Variants in PPP1R10 observed in about 807,000 individuals in gnomAD.
PPP1R10 encodes the protein protein phosphatase 1 regulatory subunit 10.
Under a neutral mutation model 99.0 loss-of-function variants are expected in PPP1R10, and 15 were observed. That is an observed-to-expected ratio of 0.15 (90% CI 0.10 to 0.23). The LOEUF (loss-of-function observed/expected upper bound fraction) is 0.23, where lower values mean the gene tolerates loss of function less well. Among genes scored for constraint, PPP1R10 ranks in the 10% least tolerant of loss-of-function variants. The pLI is 1.00. For missense variants in PPP1R10, 947 were observed against 1,259.4 expected (o/e 0.75, Z 3.75); for synonymous variants, 430 against 449.5 (o/e 0.96, Z 0.55).
Position 30,606,415 on chromosome 6 carries a change from C to T in PPP1R10, c.634+53G>A. ...CACATCAAATGATTCCCCCATAAGGCTCTGGGTGTGCACATGCCCATGAAC... is the reference window on the plus strand; with the variant it reads ...CACATCAAATGATTCCCCCATAAGGTTCTGGGTGTGCACATGCCCATGAAC... On this transcript the variant is annotated intron_variant, in intron 8 of 19. Transcript: ENST00000376511. This position sits in a 1 kb window ranked among gnomAD's most constrained non-coding sequence, Gnocchi z 6.3. 1 of 1,601,834 alleles carries T rather than the reference C, an allele frequency of 6.2e-7. No individual in the cohort carries two copies.
At chr6:30,615,250 T>C (rs972548035) in intron 2 of PPP1R10, among the ~76,000 whole-genome samples, 3 of 129,848 alleles carry the variant, frequency 2.3e-5, no homozygotes, top group Admixed American at 1.5e-4. Context: ...AAAAAAAAAA[T>C]CAAAAACCAG....
chr6:30,601,893 TG>T, intron 19 of PPP1R10, 42 bp downstream of exon 19: 1 of 1,467,946 alleles, frequency 6.8e-7, no homozygotes, highest in Non-Finnish European at 9.0e-7. Context: ...AAAGCTTGTA[TG>T]GGACAACCAA....
rs182970708 is a variant in PPP1R10, at chr6:30,602,397, T to G, written c.2252A>C (p.His751Pro). 6.2e-7 allele frequency: 1 copy of G among 1,611,280 alleles called. No homozygotes were observed. The highest frequency in any genetic ancestry group is 1.3e-5 in the African/African-American group (1 of 74,440). Reference protein sequence around the residue: ...PGGGMVGGGGHRPHEGPGGGM... With the variant: ...PGGGMVGGGGPRPHEGPGGGM... ...CCCACCAGGGCCTTCGTGAGGACGA[T>G]GCCCACCACCTCCAACCATGCCCCC... Residue 751 changes from histidine to proline, a missense_variant, in exon 19 of 20, where the codon CAT (histidine) becomes CCT (proline). Physicochemically the swap from His to Pro is moderately conservative, Grantham distance 77. Coordinates refer to ENST00000376511, the MANE Select transcript of PPP1R10 (RefSeq NM_002714.4). This position sits in a 1 kb window ranked among gnomAD's most constrained non-coding sequence, Gnocchi z 6.7.
chr6:30,607,643 G>T lies in PPP1R10; in HGVS notation c.382+197C>A, dbSNP rs141553025. ...ATGGCACCTTATATTCAGCAACAGA[G>T]AAATGAACAACTTTGGAATTGAGAA... is the stretch of plus-strand genomic sequence containing the variant. On this transcript the variant is annotated intron_variant, in intron 6 of 19. Transcript: ENST00000376511. 9.0e-4 allele frequency among the ~76,000 whole-genome samples: 137 copies of T among 152,232 alleles called. 1 individual carries two copies. The highest frequency in any genetic ancestry group is 3.0e-3 in the African/African-American group (126 of 41,524).
Position 30,606,991 on chromosome 6 carries a change from A to T in PPP1R10, c.383-135T>A, listed in dbSNP as rs1804019834. ...AGTAACCCAAAGTTTTAAGAAGAAC[A>T]TGAGATATGCTTAAAAACCAAACCC... On this transcript the variant is annotated intron_variant, in intron 6 of 19. Transcript: ENST00000376511. The surrounding 1 kb of genome is among the most constrained non-coding windows in gnomAD (Gnocchi z 6.3). 1.3e-6 allele frequency: 1 copy of T among 768,286 alleles called. No homozygotes were observed. The highest frequency in any genetic ancestry group is 1.7e-5 in the South Asian group (1 of 57,416). 47.6% of individuals were successfully genotyped at this position (768,286 alleles called of 1,614,324 possible).
chr6:30,603,662 C>A lies in PPP1R10; in HGVS notation c.1577G>T (p.Cys526Phe). The stretch of plus-strand genomic sequence containing the variant: ...AACATACGGAGTCTCATCCATGGAA[C>A]ACTCCTGAAAGAAGAACAAAAAAAA... ...PPKLIPLDEE[C>F]SMDETPYVET... Residue 526 changes from cysteine to phenylalanine, a missense_variant, in exon 16 of 20, where the codon TGT becomes TTT. Transcript: ENST00000376511. The A allele has an allele frequency of 6.3e-7, 1 of 1,594,108 alleles. No homozygotes were observed. Among genetic ancestry groups the A allele is most frequent in the Non-Finnish European group, 8.5e-7 (1 of 1,172,368 alleles).
At chr6:30,616,317 C>A (rs1760534566) in intron 2 of PPP1R10, among the ~76,000 whole-genome samples, 161 bp downstream of exon 2, 1 of 152,182 alleles carries the variant, frequency 6.6e-6, no homozygotes, top group Non-Finnish European at 1.5e-5. Flanking sequence ...ACTGTTTAGA[C>A]CCACAGGCCC....
In PPP1R10 at chr6:30,601,266, G is replaced by A; in HGVS notation, c.*283C>T. ...GGGTAATACTGGAAAGGGGTTTGGGGTACAGGGCGAATCTTCTCAAAAAGT... is the reference window on the plus strand; with the variant it reads ...GGGTAATACTGGAAAGGGGTTTGGGATACAGGGCGAATCTTCTCAAAAAGT... On this transcript the variant is annotated 3_prime_UTR_variant, in exon 20 of 20. Transcript: ENST00000376511. The A allele has an allele frequency of 2.1e-6, 1 of 479,282 alleles. No individual in the cohort carries two copies. Among genetic ancestry groups the A allele is most frequent in the South Asian group, 3.3e-5 (1 of 30,284 alleles). The allele number at this position is 479,282 out of a possible 1,614,324, so 29.7% of individuals were successfully genotyped here.
In PPP1R10 at chr6:30,601,925, A is replaced by C; in HGVS notation, c.2713+11T>G. ...ACCAAAAGGCATATGGGGGACAGGGAGCATCCTCACCTCCTCCATGGCTGT... is the reference window on the plus strand; with the variant it reads ...ACCAAAAGGCATATGGGGGACAGGGCGCATCCTCACCTCCTCCATGGCTGT... On this transcript the variant is annotated intron_variant, in intron 19 of 19. Coordinates refer to ENST00000376511, the MANE Select transcript of PPP1R10 (RefSeq NM_002714.4). 1 of 1,499,772 alleles carries C rather than the reference A, an allele frequency of 6.7e-7. No homozygotes were observed. The highest frequency in any genetic ancestry group is 8.9e-7 in the Non-Finnish European group (1 of 1,126,412). The allele number at this position is 1,499,772 out of a possible 1,614,324, so 92.9% of individuals were successfully genotyped here.
chr6:30,611,088 T>A (rs1804505303), intron 2 of PPP1R10, among the ~76,000 whole-genome samples: 1 of 152,292 alleles, frequency 6.6e-6, no homozygotes, highest in African/African-American at 2.4e-5. Context: ...GTGGGCAGAT[T>A]CCTTGAGCGC....
In PPP1R10 at chr6:30,605,516, TAAAAG is replaced by T. The variant is rs528162278; in HGVS notation, c.853+402_853+406del. ...ATCAAAGGAAAATGGAGGGAAATAA[TAAAAG>T]AGAAGGGAAAAAACTTCTCGTTCCC... is the stretch of plus-strand genomic sequence containing the variant. On this transcript the variant is annotated intron_variant, in intron 10 of 19. Coordinates refer to ENST00000376511, the MANE Select transcript of PPP1R10 (RefSeq NM_002714.4). Among the ~76,000 whole-genome samples, 23 of 152,120 alleles carry T rather than the reference TAAAAG, an allele frequency of 1.5e-4. No homozygotes were observed. The South Asian group carries it at 4.6e-3, about 30-fold the overall frequency.
chr6:30,605,975 G>A lies in PPP1R10; in HGVS notation c.801C>T (p.Asn267=), dbSNP rs773148285. The A allele has an allele frequency of 2.5e-5, 40 of 1,613,930 alleles. No homozygotes were observed. The highest frequency in any genetic ancestry group is 1.6e-4 in the Middle Eastern group (1 of 6,084). Residue 267 remains asparagine, a synonymous_variant, in exon 10 of 20, where the codon AAC becomes AAT. Transcript: ENST00000376511. Reference sequence around the variant, plus strand: ...TCTCTTTGGTGGCATTAGGTGTTGTGTTGAGTGGCTTGTATTTCTTCTCTG... The same window carrying A: ...TCTCTTTGGTGGCATTAGGTGTTGTATTGAGTGGCTTGTATTTCTTCTCTG... ...PPAEKKYKPL[N]TTPNATKEIK... is the part of the protein sequence containing the mutation.
intron 2 of PPP1R10, chr6:30,614,489 A>G (rs1211915366): frequency 6.6e-6 from 1 of 152,158 alleles, no homozygotes; most frequent in Non-Finnish European, 1.5e-5. Context: ...AATACAGTTT[A>G]TCCCCAAACT....
Position 30,604,706 on chromosome 6 carries a change from T to C in PPP1R10, c.984A>G (p.Thr328=). 3 of 1,613,138 alleles carry C rather than the reference T, an allele frequency of 1.9e-6. No individual in the cohort carries two copies. The highest frequency in any genetic ancestry group is 2.5e-6 in the Non-Finnish European group (3 of 1,180,044). Residue 328 remains threonine (T), a synonymous_variant, in exon 12 of 20, where the codon ACA becomes ACG. Coordinates refer to ENST00000376511, the MANE Select transcript of PPP1R10 (RefSeq NM_002714.4). This position sits in a 1 kb window ranked among gnomAD's most constrained non-coding sequence, Gnocchi z 7.3. ...AAGAAGGTTTGGCTGTGCTTGGTTC[T>C]GTGCTCGTTTTCCCTTCAAAGGGGC... ...KPSPFEGKTS[T]EPSTAKPSSP...
rs1803955584 is a variant in PPP1R10, at chr6:30,606,436, T to C, written c.634+32A>G. 1 of 1,610,596 alleles carries C rather than the reference T, an allele frequency of 6.2e-7. No individual in the cohort carries two copies. On this transcript the variant is annotated intron_variant, in intron 8 of 19. Transcript: ENST00000376511. This position sits in a 1 kb window ranked among gnomAD's most constrained non-coding sequence, Gnocchi z 6.3. ...AAGGCTCTGGGTGTGCACATGCCCA[T>C]GAACCCTCCAGAGGCCAGCCGCCAG... is the stretch of plus-strand genomic sequence containing the variant.
At chr6:30,601,702 G>A (rs1803333417) in intron 19 of PPP1R10, 44 bp from the exon 20 acceptor site, 3 of 1,552,400 alleles carry the variant, frequency 1.9e-6, no homozygotes, top group East Asian at 4.5e-5. Context: ...AATAGCTGAG[G>A]GCAATGCCAC....
chr6:30,609,376 G>A lies in PPP1R10; in HGVS notation c.108-213C>T, dbSNP rs938924628. Among the ~76,000 whole-genome samples, 1 of 152,154 alleles carries A rather than the reference G, an allele frequency of 6.6e-6. No individual in the cohort carries two copies. Among genetic ancestry groups the A allele is most frequent in the African/African-American group, 2.4e-5 (1 of 41,430 alleles). ...GACACCGCAGTCTCTGACCTGGGGA[G>A]GAGAGCATCGCTGCCTCCGTAACAC... On this transcript the variant is annotated intron_variant, in intron 3 of 19. Transcript: ENST00000376511. This position sits in a 1 kb window ranked among gnomAD's most constrained non-coding sequence, Gnocchi z 4.5.
chr6:30,613,771 C>T (rs566134003), intron 2 of PPP1R10, among the ~76,000 whole-genome samples: 1 of 152,268 alleles, frequency 6.6e-6, no homozygotes, highest in Admixed American at 6.5e-5. Context: ...TTATTAATCC[C>T]CTGGCTCACT....
chr6:30,604,519 C>G lies in PPP1R10; in HGVS notation c.1103-8G>C. On this transcript the variant is annotated splice_polypyrimidine_tract_variant and splice_region_variant and intron_variant, in intron 12 of 19. Transcript: ENST00000376511. This position sits in a 1 kb window ranked among gnomAD's most constrained non-coding sequence, Gnocchi z 7.3. ...CTCCTGGCTCCAAAGAGGCTGGAAG[C>G]AGAAGAGGTTTCAGACCCAGATCCC... is the stretch of plus-strand genomic sequence containing the variant. The G allele has an allele frequency of 6.2e-7, 1 of 1,612,980 alleles. No homozygotes were observed. The highest frequency in any genetic ancestry group is 2.2e-5 in the East Asian group (1 of 44,880).
Sources: gnomAD v4.1 joint callset for allele counts (sites outside exome capture counted in the v4.1 genomes callset) on GRCh38, gnomAD v4.1.1 for gene constraint, Gnocchi (gnomAD v3.1) non-coding constraint, MANE v1.5 for transcripts, NCBI Gene and HGNC (gene_info 2026-07-23, HGNC 2026-07-21) for gene names.